SLC12A8: variants seen among roughly 807,000 people sequenced by gnomAD.
SLC12A8 encodes cation-chloride cotransporter 9.
Under a neutral mutation model 75.6 loss-of-function variants are expected in SLC12A8, and 69 were observed. The ratio of observed to expected loss-of-function variants is 0.91; its 90% CI spans 0.75 to 1.11. The LOEUF (loss-of-function observed/expected upper bound fraction) is 1.11, where lower values mean the gene tolerates loss of function less well. Ranked by LOEUF, SLC12A8 falls within the 50% of genes most tolerant of loss-of-function variation. The pLI, the probability that SLC12A8 is intolerant of heterozygous loss-of-function variation, is 0.00. For missense variants in SLC12A8, 877 were observed against 896.7 expected (o/e 0.98, Z 0.28); for synonymous variants, 365 against 372.8 (o/e 0.98, Z 0.24).
intron 4 of SLC12A8, among the ~76,000 whole-genome samples, chr3:125,181,607 CAAAAAAA>C (rs67602083): frequency 2.2e-4 from 15 of 67,616 alleles, no homozygotes; most frequent in African/African-American, 7.3e-4. Context: ...GACTCCGTCT[CAAAAAAA>C]AAAAAAAAAA....
At chr3:125,186,151 TA>T (rs35218604) in intron 4 of SLC12A8, among the ~76,000 whole-genome samples, 406 of 135,844 alleles carry the variant, frequency 3.0e-3, no homozygotes, top group Middle Eastern at 0.015. Context: ...AGCAGAGAAG[TA>T]AAAAAAAAAA....
At chr3:125,090,966 ATTTGTTT>A (rs1560047680) in intron 12 of SLC12A8, among the ~76,000 whole-genome samples, 1 of 151,676 alleles carries the variant, frequency 6.6e-6, no homozygotes, top group African/African-American at 2.4e-5. Flanking sequence ...CCATCTTGTT[ATTTGTTT>A]TTTGTTTGTC....
chr3:125,167,535 G>C (rs1251382526), intron 5 of SLC12A8, among the ~76,000 whole-genome samples: 1 of 152,144 alleles, frequency 6.6e-6, no homozygotes, highest in Non-Finnish European at 1.5e-5. Flanking sequence ...CTCACCCAAA[G>C]GATCTCCACG....
intron 5 of SLC12A8, among the ~76,000 whole-genome samples, chr3:125,162,328 A>G (rs1244989956): frequency 6.6e-6 from 1 of 152,216 alleles, no homozygotes; most frequent in African/African-American, 2.4e-5. Context: ...TCCAGTCCTC[A>G]AGGCTCTCAT....
At chr3:125,179,711 G>T (rs1934610861) in intron 4 of SLC12A8, among the ~76,000 whole-genome samples, 1 of 94,450 alleles carries the variant, frequency 1.1e-5, no homozygotes, top group African/African-American at 3.4e-5. Flanking sequence ...TTCTGAGAGA[G>T]AGAGAGAGAG....
intron 10 of SLC12A8, among the ~76,000 whole-genome samples, chr3:125,100,335 C>T (rs1443855748): frequency 6.6e-6 from 1 of 152,172 alleles, no homozygotes; most frequent in Admixed American, 6.5e-5. Context: ...TGTGTACATA[C>T]ACCTAATTAT....
At chr3:125,186,429 G>T (rs1230209537) in intron 4 of SLC12A8, among the ~76,000 whole-genome samples, 2 of 152,104 alleles carry the variant, frequency 1.3e-5, no homozygotes, top group East Asian at 3.9e-4. Context: ...AAAAATAAAA[G>T]AAACAAAACC....
chr3:125,176,941 G>C (rs1055008566), intron 5 of SLC12A8, among the ~76,000 whole-genome samples: 3 of 151,924 alleles, frequency 2.0e-5, no homozygotes, highest in African/African-American at 7.3e-5. Context: ...TCTAGAACTA[G>C]AAATACCATT....
intron 2 of SLC12A8, among the ~76,000 whole-genome samples, chr3:125,205,082 C>G (rs143568682): frequency 6.6e-6 from 1 of 152,102 alleles, no homozygotes; most frequent in Non-Finnish European, 1.5e-5. Context: ...GAGCCAGACA[C>G]CCGGCAACCA....
At chr3:125,119,116 C>T (rs1192330880) in intron 7 of SLC12A8, 9 of 300,466 alleles carry the variant, frequency 3.0e-5, no homozygotes, top group Admixed American at 1.4e-4. Flanking sequence ...GAACACTTCA[C>T]GAATTTGCAT....
At chr3:125,152,687 T>C (rs1267481192) in intron 5 of SLC12A8, among the ~76,000 whole-genome samples, 1 of 152,182 alleles carries the variant, frequency 6.6e-6, no homozygotes, top group Admixed American at 6.5e-5. Context: ...ATATTATTTC[T>C]AATCCTTTAA....
rs956397541 is a variant in SLC12A8 at position 125,164,401 on chromosome 3, G to A, written c.622+13342C>T. 2.0e-5 allele frequency among the ~76,000 whole-genome samples: 3 copies of A among 152,186 alleles called. No homozygotes were observed. In the South Asian group the frequency reaches 6.2e-4, roughly 31 times the overall value. ...CACTCAGTTGTTTCAAAGATAAATA[G>A]AATAATCTATGCAAAGTGCCTGACA... On this transcript the variant is annotated intron_variant, in intron 5 of 13. Coordinates refer to ENST00000469902, the MANE Select transcript of SLC12A8 (RefSeq NM_024628.6).
chr3:125,211,951 A>G (rs1423547626), intron 1 of SLC12A8, among the ~76,000 whole-genome samples: 2 of 151,816 alleles, frequency 1.3e-5, no homozygotes, highest in African/African-American at 4.8e-5. Context: ...CAGCTCCTCA[A>G]CCCACCCCCA....
chr3:125,084,372 G>A (rs1938405906), intron 13 of SLC12A8, among the ~76,000 whole-genome samples: 1 of 152,034 alleles, frequency 6.6e-6, no homozygotes, highest in Non-Finnish European at 1.5e-5. Context: ...TTGGGGCTCT[G>A]TAGCTTTTCT....
intron 5 of SLC12A8, among the ~76,000 whole-genome samples, chr3:125,136,651 ATCT>A (rs1933503172): frequency 6.6e-6 from 1 of 152,182 alleles, no homozygotes; most frequent in Non-Finnish European, 1.5e-5. Flanking sequence ...CTATGGACAC[ATCT>A]CGCTTCCACA....
At chr3:125,200,532 A>G (rs1053203961) in intron 2 of SLC12A8, among the ~76,000 whole-genome samples, 34 of 152,252 alleles carry the variant, frequency 2.2e-4, no homozygotes. Flanking sequence ...TTTTAAAAAC[A>G]GAATGGGTTT....
At chr3:125,167,483 C>T (rs866019742) in intron 5 of SLC12A8, among the ~76,000 whole-genome samples, 4 of 152,300 alleles carry the variant, frequency 2.6e-5, no homozygotes, top group South Asian at 2.1e-4. Flanking sequence ...CCCAAATGCC[C>T]TCATTAAAGT....
intron 7 of SLC12A8, among the ~76,000 whole-genome samples, chr3:125,120,380 C>CT (rs1354019630): frequency 6.6e-6 from 1 of 152,114 alleles, no homozygotes; most frequent in Non-Finnish European, 1.5e-5. Flanking sequence ...CCCGACACTC[C>CT]TCCTCGGCAG....
intron 6 of SLC12A8, among the ~76,000 whole-genome samples, chr3:125,132,549 GC>G (rs1162834101): frequency 6.6e-6 from 1 of 152,200 alleles, no homozygotes; most frequent in Non-Finnish European, 1.5e-5. Flanking sequence ...ACTGGCATAA[GC>G]ATTTGGCTGG....
Sources: allele counts gnomAD v4.1 joint callset (sites outside exome capture counted in the v4.1 genomes callset), GRCh38; gene constraint gnomAD v4.1.1; transcripts MANE v1.5; gene names NCBI Gene and HGNC (gene_info 2026-07-23, HGNC 2026-07-21).